The following SPOCK3 variants were observed in gnomAD, a reference collection of about 807,000 sequenced individuals.
The protein encoded by SPOCK3 is SPARC (osteonectin), cwcv and kazal like domains proteoglycan 3.
SPOCK3 carries 30 observed loss-of-function variants against 56.6 expected under a neutral mutation model. That is an observed-to-expected ratio of 0.53 (90% CI 0.40 to 0.72). The LOEUF (loss-of-function observed/expected upper bound fraction) is 0.72, where lower values mean the gene tolerates loss of function less well. Ranked by LOEUF, SPOCK3 falls within the 30% of genes least tolerant of loss-of-function variation. The probability of loss-of-function intolerance (pLI) is 0.00; values close to 1 mark genes in which losing one functional copy is unlikely to be tolerated. For synonymous variants in SPOCK3, 196 were observed against 183.3 expected (o/e 1.07, Z -0.56); for missense variants, 527 against 530.0 (o/e 0.99, Z 0.06).
chr4:166,946,487 T>A (rs889002242), intron 4 of SPOCK3, among the ~76,000 whole-genome samples: 4 of 152,140 alleles, frequency 2.6e-5, no homozygotes, highest in Admixed American at 6.5e-5. Context: ...TGCCGCCAAG[T>A]CCTTTGCTCT....
intron 7 of SPOCK3, among the ~76,000 whole-genome samples, chr4:166,782,468 G>T (rs1328053533): frequency 6.6e-6 from 1 of 152,034 alleles, no homozygotes; most frequent in African/African-American, 2.4e-5. Context: ...CAACAAACTT[G>T]GCATAATTTA....
intron 7 of SPOCK3, among the ~76,000 whole-genome samples, chr4:166,763,132 A>G (rs1560827928): frequency 1.5e-5 from 2 of 133,372 alleles, no homozygotes; most frequent in African/African-American, 5.3e-5. Flanking sequence ...AGCATCAAAA[A>G]GAAAAAAAAA....
intron 4 of SPOCK3, among the ~76,000 whole-genome samples, chr4:166,996,020 C>T (rs1372213060): frequency 1.3e-5 from 2 of 152,048 alleles, no homozygotes; most frequent in Non-Finnish European, 2.9e-5. Flanking sequence ...TTTAGATCTT[C>T]TTTTAAAAAT....
rs961145355 is a variant in SPOCK3 at position 167,193,173 on chromosome 4, G to T, written c.189+40812C>A. 2.1e-5 allele frequency among the ~76,000 whole-genome samples: 3 copies of T among 145,484 alleles called. 1 individual carries two copies. Among genetic ancestry groups the T allele is most frequent in the African/African-American group, 7.9e-5 (3 of 37,996 alleles). On this transcript the variant is annotated intron_variant, in intron 2 of 10. Transcript: ENST00000357545. ...TACTTTGCCATTTTGTTGTTTTCTG[G>T]TTGTTCTATAGTACCTTTGTCCCTT...
intron 6 of SPOCK3, among the ~76,000 whole-genome samples, chr4:166,849,570 T>C (rs1748465652): frequency 1.3e-5 from 2 of 152,210 alleles, no homozygotes; most frequent in Admixed American, 6.5e-5. Flanking sequence ...CATTTACTAT[T>C]ATAAAACATC....
At chr4:166,918,981 C>A (rs1468440820) in intron 4 of SPOCK3, among the ~76,000 whole-genome samples, 6 of 152,102 alleles carry the variant, frequency 3.9e-5, no homozygotes, top group Non-Finnish European at 7.4e-5. Context: ...ACCCCAGATC[C>A]CCTTCAAATT....
intron 2 of SPOCK3, among the ~76,000 whole-genome samples, chr4:167,172,118 T>G (rs1483731198): frequency 6.6e-6 from 1 of 152,120 alleles, no homozygotes; most frequent in Non-Finnish European, 1.5e-5. Context: ...GCCTGGAATC[T>G]CTCAGCAGTG....
intron 6 of SPOCK3, among the ~76,000 whole-genome samples, chr4:166,876,291 G>T (rs559313672): frequency 1.3e-5 from 2 of 152,240 alleles, no homozygotes; most frequent in Non-Finnish European, 1.5e-5. Flanking sequence ...ATACCGCTGC[G>T]AATGTGACTG....
At chr4:167,013,673 G>A (rs1579996079) in intron 3 of SPOCK3, among the ~76,000 whole-genome samples, 1 of 151,938 alleles carries the variant, frequency 6.6e-6, no homozygotes, top group East Asian at 1.9e-4. Flanking sequence ...TGTTAGAACT[G>A]AATATATCTA....
In SPOCK3 at chr4:166,742,689, T is replaced by C. The variant is rs114576249; in HGVS notation, c.932-630A>G. Among the ~76,000 whole-genome samples the C allele has an allele frequency of 2.4e-3, 371 of 152,242 alleles. 3 individuals carry two copies. The highest frequency in any genetic ancestry group is 8.3e-3 in the African/African-American group (346 of 41,566). ...TATGCAATTTAGGAACAGGATATAATATAAAATTATTTCTGATAAGCTGTT... is the reference window on the plus strand; with the variant it reads ...TATGCAATTTAGGAACAGGATATAACATAAAATTATTTCTGATAAGCTGTT... On this transcript the variant is annotated intron_variant, in intron 8 of 10. Coordinates refer to ENST00000357545, the MANE Select transcript of SPOCK3 (RefSeq NM_001040159.2).
intron 4 of SPOCK3, among the ~76,000 whole-genome samples, chr4:166,974,231 C>T (rs752145106): frequency 3.0e-4 from 46 of 152,130 alleles, no homozygotes; most frequent in Non-Finnish European, 5.0e-4. Context: ...ATGCAAAATC[C>T]TCTGACAGTA....
chr4:166,996,035 A>C (rs1748334110), intron 4 of SPOCK3, among the ~76,000 whole-genome samples: 1 of 152,172 alleles, frequency 6.6e-6, no homozygotes, highest in South Asian at 2.1e-4. Flanking sequence ...AAAAATAGTC[A>C]TTATAAACCA....
chr4:167,211,500 A>T (rs1734868229), intron 2 of SPOCK3, among the ~76,000 whole-genome samples: 1 of 152,116 alleles, frequency 6.6e-6, no homozygotes, highest in African/African-American at 2.4e-5. Context: ...TTGAATTCCC[A>T]TGTGATGTGG....
chr4:166,923,283 G>C (rs1406018254), intron 4 of SPOCK3, among the ~76,000 whole-genome samples: 1 of 152,104 alleles, frequency 6.6e-6, no homozygotes. Flanking sequence ...TGATAATCTA[G>C]GATAAATTCT....
intron 3 of SPOCK3, among the ~76,000 whole-genome samples, chr4:167,015,970 G>T (rs915498304): frequency 5.9e-5 from 9 of 152,056 alleles, no homozygotes; most frequent in African/African-American, 1.9e-4. Context: ...AAAATCTAAA[G>T]ACACTGGGAA....
At chr4:167,007,320 A>G (rs1418619093) in intron 3 of SPOCK3, among the ~76,000 whole-genome samples, 1 of 152,226 alleles carries the variant, frequency 6.6e-6, no homozygotes, top group East Asian at 1.9e-4. Flanking sequence ...TAATCTACAC[A>G]CATCCTCTTG....
At chr4:166,855,784 T>C (rs1730579666) in intron 6 of SPOCK3, among the ~76,000 whole-genome samples, 1 of 152,076 alleles carries the variant, frequency 6.6e-6, no homozygotes, top group Non-Finnish European at 1.5e-5. Flanking sequence ...TCATTAGGTG[T>C]GGGGAGGGGC....
intron 5 of SPOCK3, among the ~76,000 whole-genome samples, chr4:166,897,732 G>A (rs774684911): frequency 1.3e-5 from 2 of 152,174 alleles, no homozygotes; most frequent in Non-Finnish European, 2.9e-5. Context: ...CACAGTTCTA[G>A]TGGTTTTTGG....
rs1294560459 is a variant in SPOCK3, at chr4:166,968,582, T to C, written c.350+31767A>G. 3.9e-5 allele frequency among the ~76,000 whole-genome samples: 6 copies of C among 152,206 alleles called. No individual in the cohort carries two copies. In the East Asian group the frequency reaches 1.2e-3, roughly 29 times the overall value. ...AAGCCTTGGTGGCTTCCATGTGATG[T>C]TGGGCATGCAGGTGCACAGAAGGCA... On this transcript the variant is annotated intron_variant, in intron 4 of 10. Coordinates refer to ENST00000357545, the MANE Select transcript of SPOCK3 (RefSeq NM_001040159.2).
Sources: gnomAD v4.1 joint callset for allele counts (sites outside exome capture counted in the v4.1 genomes callset) on GRCh38, gnomAD v4.1.1 for gene constraint, MANE v1.5 for transcripts, NCBI Gene and HGNC (gene_info 2026-07-23, HGNC 2026-07-21) for gene names.